The following ZNF285 variants were observed in gnomAD, a reference collection of about 807,000 sequenced individuals.
The protein encoded by ZNF285 is zinc finger protein 285.
A neutral mutation model predicts 6.2 loss-of-function variants in ZNF285; 4 were observed. The ratio of observed to expected loss-of-function variants is 0.65; its 90% CI spans 0.32 to 1.49. The LOEUF (loss-of-function observed/expected upper bound fraction) is 1.49, where lower values mean the gene tolerates loss of function less well. Ranked by LOEUF, ZNF285 falls within the 40% of genes most tolerant of loss-of-function variation. ZNF285 has a pLI of 0.07. For missense variants in ZNF285, 695 were observed against 708.8 expected, an observed-to-expected ratio of 0.98 and a Z score of 0.22; for synonymous variants, 240 against 245.8, an observed-to-expected ratio of 0.98 and a Z score of 0.22.
In ZNF285 at chr19:44,398,316, G is replaced by C. The variant is rs528888307; in HGVS notation, c.-43-1060C>G. ...ATACACTAAAGCCCCTTCCTGTTCTGCTTATATCAGTGGATTCCCTTGCCA... is the reference window on the plus strand; with the variant it reads ...ATACACTAAAGCCCCTTCCTGTTCTCCTTATATCAGTGGATTCCCTTGCCA... On this transcript the variant is annotated intron_variant, in intron 1 of 3. Transcript: ENST00000614994. Among the ~76,000 whole-genome samples the C allele has an allele frequency of 2.4e-3, 360 of 152,216 alleles. 3 individuals carry two copies. The highest frequency in any genetic ancestry group is 0.02 in the Middle Eastern group (6 of 294).
chr19:44,387,998 C>T lies in ZNF285; in HGVS notation c.247G>A (p.Asp83Asn), dbSNP rs749067872. The change falls in exon 4 of 4, where the codon GAT becomes AAT. Residue 83 changes from aspartate to asparagine, a missense_variant. By Grantham distance (23) the Asp-to-Asn change is conservative. Transcript: ENST00000614994. Reference sequence around the variant, plus strand: ...ATATAATCCTGACTCACAGTTAAATCCCGGATCCTTTGTTTCCAAATCTGC... The same window carrying T: ...ATATAATCCTGACTCACAGTTAAATTCCGGATCCTTTGTTTCCAAATCTGC... ...CWQIWKQRIR[D>N]LTVSQDYIVN... The T allele has an allele frequency of 3.7e-6, 6 of 1,614,120 alleles. No homozygotes were observed. Among genetic ancestry groups the T allele is most frequent in the East Asian group, 2.2e-5 (1 of 44,872 alleles).
intron 3 of ZNF285, among the ~76,000 whole-genome samples, chr19:44,390,962 T>C (rs913297002): frequency 4.6e-5 from 7 of 151,934 alleles, no homozygotes; most frequent in Admixed American, 4.6e-4. Context: ...GAGGCCATCT[T>C]GGCCGACATG....
intron 3 of ZNF285, among the ~76,000 whole-genome samples, chr19:44,392,018 T>C (rs550977318): frequency 2.4e-4 from 36 of 152,206 alleles, no homozygotes; most frequent in African/African-American, 7.2e-4. Context: ...TGGTAATGTG[T>C]GAATTTTATC....
Position 44,387,158 on chromosome 19 carries a change from G to C in ZNF285, c.1087C>G (p.Gln363Glu). 6.2e-7 allele frequency: 1 copy of C among 1,613,954 alleles called. No homozygotes were observed. Among genetic ancestry groups the C allele is most frequent in the Non-Finnish European group, 8.5e-7 (1 of 1,179,988 alleles). Residue 363 changes from glutamine to glutamate, a missense_variant, in exon 4 of 4, where the codon CAG (glutamine) becomes GAG (glutamate). By Grantham distance (29) the Gln-to-Glu change is conservative. Transcript: ENST00000614994. ...GGCTTTTTCCCTGTGTGTACTCCCT[G>C]ATGAATACAAAGAAGTGACCTAAAT... ...FGFRSLLCIH[Q>E]GVHTGKKPYK...
Position 44,386,954 on chromosome 19 carries a change from C to T in ZNF285, c.1291G>A (p.Gly431Ser), listed in dbSNP as rs562822636. ...FHTGEKPYRC[G>S]ECGKGFSQCT... ...TGGCTGAAGCCCTTTCCACACTCACCACACCTATATGGTTTCTCCCCTGTG... is the reference window on the plus strand; with the variant it reads ...TGGCTGAAGCCCTTTCCACACTCACTACACCTATATGGTTTCTCCCCTGTG... Residue 431 changes from glycine to serine, a missense_variant, in exon 4 of 4, where the codon GGT becomes AGT. Transcript: ENST00000614994. 3.8e-5 allele frequency: 62 copies of T among 1,613,518 alleles called. No individual in the cohort carries two copies. The African/African-American group carries it at 6.3e-4, about 16-fold the overall frequency.
intron 2 of ZNF285, chr19:44,394,531 T>A: frequency 1.8e-6 from 1 of 568,608 alleles, no homozygotes; most frequent in East Asian, 3.0e-5. Flanking sequence ...TGCACATGTA[T>A]CCCTTGAATC....
intron 3 of ZNF285, among the ~76,000 whole-genome samples, chr19:44,391,888 G>A (rs894531469): frequency 2.0e-5 from 3 of 152,082 alleles, no homozygotes; most frequent in African/African-American, 7.3e-5. Flanking sequence ...AGTAAGTGTT[G>A]GCTATTGTAA....
Position 44,387,910 on chromosome 19 carries a change from G to T in ZNF285, c.335C>A (p.Ala112Glu), listed in dbSNP as rs146498662. Residue 112 changes from alanine (A) to glutamate (E), a missense_variant, in exon 4 of 4, where the codon GCA becomes GAA. By Grantham distance (107) the Ala-to-Glu change is moderately radical. Coordinates refer to ENST00000614994, the MANE Select transcript of ZNF285 (RefSeq NM_152354.6). Reference sequence around the variant, plus strand: ...TTCAGAAATCTGAAGAGAAATGCCTGCCCACTCTTCACTGAGGGAAACATC... The same window carrying T: ...TTCAGAAATCTGAAGAGAAATGCCTTCCCACTCTTCACTGAGGGAAACATC... ...LEDVSLSEEW[A>E]GISLQISENE... 6.2e-7 allele frequency: 1 copy of T among 1,613,832 alleles called. No homozygotes were observed. The highest frequency in any genetic ancestry group is 8.5e-7 in the Non-Finnish European group (1 of 1,179,904).
In ZNF285 at chr19:44,387,491, T is replaced by G; in HGVS notation, c.754A>C (p.Ser252Arg). The G allele has an allele frequency of 6.2e-7, 1 of 1,614,040 alleles. No homozygotes were observed. Among genetic ancestry groups the G allele is most frequent in the Non-Finnish European group, 8.5e-7 (1 of 1,179,914 alleles). ...ADDTDPHVHHSTHLGEKSYKC... is the reference protein window; with the variant it reads ...ADDTDPHVHHRTHLGEKSYKC... Reference sequence around the variant, plus strand: ...TAAGATTTTTCTCCTAGGTGAGTGCTGTGATGGACATGAGGATCTGTATCA... The same window carrying G: ...TAAGATTTTTCTCCTAGGTGAGTGCGGTGATGGACATGAGGATCTGTATCA... Residue 252 changes from serine to arginine, a missense_variant, in exon 4 of 4, where the codon AGC becomes CGC. Ser to Arg is a moderately radical substitution (Grantham distance 110). Coordinates refer to ENST00000614994, the MANE Select transcript of ZNF285 (RefSeq NM_152354.6).
chr19:44,387,234 G>C lies in ZNF285; in HGVS notation c.1011C>G (p.Val337=), dbSNP rs1216434224. 20 of 1,614,150 alleles carry C rather than the reference G, an allele frequency of 1.2e-5. No individual in the cohort carries two copies. Among genetic ancestry groups the C allele is most frequent in the Non-Finnish European group, 1.6e-5 (19 of 1,180,012 alleles). ...ATTTGTAGGGCATCTCCCCTGTGTGGACTCGATGATGGTTGTGAAGGGAAG... is the reference window on the plus strand; with the variant it reads ...ATTTGTAGGGCATCTCCCCTGTGTGCACTCGATGATGGTTGTGAAGGGAAG... The part of the protein sequence containing the change: ...RSSSLHNHHR[V]HTGEMPYKCD... Residue 337 remains valine (V), a synonymous_variant, in exon 4 of 4, where the codon GTC becomes GTG. Coordinates refer to ENST00000614994, the MANE Select transcript of ZNF285 (RefSeq NM_152354.6).
intron 2 of ZNF285, chr19:44,392,754 G>C: frequency 1.8e-6 from 1 of 542,594 alleles, no homozygotes; most frequent in Non-Finnish European, 3.4e-6. Context: ...TAATCCTATT[G>C]GATCAGGGAT....
intron 2 of ZNF285, among the ~76,000 whole-genome samples, chr19:44,393,626 T>C: frequency 6.6e-6 from 1 of 152,212 alleles, no homozygotes; most frequent in Non-Finnish European, 1.5e-5. Flanking sequence ...AGCTCTTTAG[T>C]TTAATTAGAT....
At position 44,387,588 on chromosome 19, in the gene ZNF285, A is replaced by C. The variant is rs756170645; in HGVS notation, c.657T>G (p.Val219=). The C allele has an allele frequency of 1.2e-6, 2 of 1,613,746 alleles. No homozygotes were observed. The highest frequency in any genetic ancestry group is 1.7e-5 in the Admixed American group (1 of 59,974). ...ATACATGGGCCGCATTACGTTTTTC[A>C]ACCGTTGATTTCATACCCAAGTTTT... ...CGKNLGMKST[V]EKRNAAHVLP... is the part of the protein sequence containing the mutation. Residue 219 remains valine, a synonymous_variant, in exon 4 of 4, where the codon GTT becomes GTG. Transcript: ENST00000614994.
intron 1 of ZNF285, among the ~76,000 whole-genome samples, chr19:44,399,722 G>A (rs1971344656): frequency 2.6e-5 from 4 of 151,532 alleles, no homozygotes; most frequent in South Asian, 4.2e-4. Flanking sequence ...GCCGTGGCAC[G>A]AACCAGACGG....
In ZNF285 at chr19:44,387,952, C is replaced by T. The variant is rs754226311; in HGVS notation, c.293G>A (p.Cys98Tyr). The stretch of plus-strand genomic sequence containing the variant: ...GGAAACATCTTCTAAATGTGGGGAA[C>T]ACTCTTCTTGAAGGTTCACGATATA... ...QDYIVNLQEE[C>Y]SPHLEDVSLS... Residue 98 changes from cysteine (C) to tyrosine (Y), a missense_variant, in exon 4 of 4, where the codon TGT becomes TAT. Transcript: ENST00000614994. 9.3e-6 allele frequency: 15 copies of T among 1,614,186 alleles called. No homozygotes were observed. In the South Asian group the frequency reaches 1.4e-4, roughly 15 times the overall value.
intron 3 of ZNF285, among the ~76,000 whole-genome samples, chr19:44,390,480 C>T (rs1971174901): frequency 6.6e-6 from 1 of 152,184 alleles, no homozygotes; most frequent in Non-Finnish European, 1.5e-5. Context: ...TTACACAATG[C>T]CTGTACCTGC....
At chr19:44,393,512 G>T (rs1271549097) in intron 2 of ZNF285, among the ~76,000 whole-genome samples, 1 of 152,032 alleles carries the variant, frequency 6.6e-6, no homozygotes, top group Non-Finnish European at 1.5e-5. Context: ...GTTCATTATA[G>T]ATTCTGGATA....
Position 44,386,917 on chromosome 19 carries a change from A to C in ZNF285, c.1328T>G (p.Leu443Arg). Residue 443 changes from leucine to arginine, a missense_variant, in exon 4 of 4, where the codon CTT (leucine) becomes CGT (arginine). Transcript: ENST00000614994. ...TGTGTGGACTCTCTGGTGAATGTGAAGGTGTGTACATTGGCTGAAGCCCTT... is the reference window on the plus strand; with the variant it reads ...TGTGTGGACTCTCTGGTGAATGTGACGGTGTGTACATTGGCTGAAGCCCTT... The part of the protein sequence containing the change: ...CGKGFSQCTH[L>R]HIHQRVHTGE... 6.2e-7 allele frequency: 1 copy of C among 1,614,164 alleles called. No individual in the cohort carries two copies. Among genetic ancestry groups the C allele is most frequent in the Non-Finnish European group, 8.5e-7 (1 of 1,180,020 alleles).
rs1319174713 is a variant in ZNF285, at chr19:44,386,277, A to G, written c.*195T>C. On this transcript the variant is annotated 3_prime_UTR_variant, in exon 4 of 4. Transcript: ENST00000614994. ...CCTCTTTGCCATTGTAGCATACAGC[A>G]GTTGATGGGAGCTTCACAGAAGTTC... 1 of 598,106 alleles carries G rather than the reference A, an allele frequency of 1.7e-6. No homozygotes were observed. Among genetic ancestry groups the G allele is most frequent in the East Asian group, 2.9e-5 (1 of 34,324 alleles). The allele number at this position is 598,106 out of a possible 1,614,324, so 37.0% of individuals were successfully genotyped here. A position where few individuals can be genotyped will look rare whatever the true frequency, so the allele number is the denominator to read the frequency against.
Sources: gnomAD v4.1 joint callset for allele counts (sites outside exome capture counted in the v4.1 genomes callset) on GRCh38, gnomAD v4.1.1 for gene constraint, MANE v1.5 for transcripts, NCBI Gene and HGNC (gene_info 2026-07-23, HGNC 2026-07-21) for gene names.